SOS1: variants seen among roughly 807,000 people sequenced by gnomAD.
SOS1 encodes the protein SOS Ras/Rac guanine nucleotide exchange factor 1.
A neutral mutation model predicts 157.6 loss-of-function variants in SOS1; 25 were observed. The observed-to-expected ratio is 0.16, with a 90% CI of 0.12 to 0.22. SOS1 has a LOEUF of 0.22. SOS1 is among the 10% of genes least tolerant of loss of function. The probability of loss-of-function intolerance (pLI) is 1.00; values close to 1 mark genes in which losing one functional copy is unlikely to be tolerated. For synonymous variants in SOS1, 528 were observed against 534.0 expected, an observed-to-expected ratio of 0.99 and a Z score of 0.16; for missense variants, 1,237 against 1,599.1, an observed-to-expected ratio of 0.77 and a Z score of 3.86.
At chr2:39,110,393 A>G (rs1673378577) in intron 1 of SOS1, among the ~76,000 whole-genome samples, 1 of 151,690 alleles carries the variant, frequency 6.6e-6, no homozygotes. Context: ...GTTTGAATGC[A>G]CAGATGCAGA....
intron 6 of SOS1, 24 bp from the exon 7 acceptor site, chr2:39,035,524 C>T (rs780298422): frequency 2.0e-6 from 3 of 1,487,412 alleles, no homozygotes; most frequent in South Asian, 1.1e-5. Flanking sequence ...GAAGGTAAAA[C>T]ATAAATAATT....
chr2:39,068,859 G>T (rs1295627099), intron 1 of SOS1, among the ~76,000 whole-genome samples: 1 of 151,982 alleles, frequency 6.6e-6, no homozygotes, highest in East Asian at 1.9e-4. Context: ...TAAATAAATG[G>T]CAAGAAAAGA....
intron 6 of SOS1, among the ~76,000 whole-genome samples, chr2:39,046,112 A>G (rs948121276): frequency 6.6e-6 from 1 of 152,290 alleles, no homozygotes; most frequent in South Asian, 2.1e-4. Context: ...GGATTTTTTT[A>G]TATCATATCA....
intron 3 of SOS1, among the ~76,000 whole-genome samples, 183 bp downstream of exon 3, chr2:39,058,490 C>T (rs1041316422): frequency 2.6e-5 from 4 of 151,952 alleles, no homozygotes; most frequent in African/African-American, 9.7e-5. Context: ...AATCATGTTG[C>T]CCAGTTTATA....
intron 17 of SOS1, among the ~76,000 whole-genome samples, chr2:38,998,453 G>A (rs1368808242): frequency 6.6e-6 from 1 of 152,112 alleles, no homozygotes; most frequent in African/African-American, 2.4e-5. Flanking sequence ...GTTTCACCAT[G>A]TTGGCCAGGC....
chr2:39,053,932 T>A (rs1176033510), intron 5 of SOS1, among the ~76,000 whole-genome samples: 1 of 152,120 alleles, frequency 6.6e-6, no homozygotes, highest in Non-Finnish European at 1.5e-5. Flanking sequence ...GAACTCTTTT[T>A]TTTTTTTTCT....
intron 1 of SOS1, among the ~76,000 whole-genome samples, chr2:39,103,078 A>G (rs1673033446): frequency 6.6e-6 from 1 of 152,228 alleles, no homozygotes; most frequent in Admixed American, 6.5e-5. Flanking sequence ...AATAACATCT[A>G]AAAGAGTACC....
chr2:39,070,964 G>A (rs564489168), intron 1 of SOS1, among the ~76,000 whole-genome samples: 2 of 152,308 alleles, frequency 1.3e-5, no homozygotes, highest in African/African-American at 2.4e-5. Flanking sequence ...CTGGGTTCAA[G>A]CAATTCTCCT....
rs730881053 is a variant in SOS1 at position 39,067,642 on chromosome 2, C to T, written c.199G>A (p.Ala67Thr). 1.2e-6 allele frequency: 2 copies of T among 1,613,312 alleles called. No individual in the cohort carries two copies. The highest frequency in any genetic ancestry group is 2.7e-5 in the African/African-American group (2 of 74,894). ...NMLCQAQPRS[A>T]SDVEERVQKS... is the part of the protein sequence containing the mutation. ...ATTTGTCATACCTCTACATCTGAAG[C>T]ACTTCGGGGCTGAGCTTGGCATAGC... The change falls in exon 2 of 23, where the codon GCT becomes ACT. Residue 67 changes from alanine to threonine, a missense_variant. Ala to Thr is a moderately conservative substitution (Grantham distance 58). This residue lies in a region of SOS1 where 99 missense variants were observed against 81.6 expected (regional missense o/e 1.21). Transcript: ENST00000402219.
chr2:39,094,722 T>C (rs1029819967), intron 1 of SOS1, among the ~76,000 whole-genome samples: 2 of 152,166 alleles, frequency 1.3e-5, no homozygotes, highest in African/African-American at 4.8e-5. Flanking sequence ...ACTTGAGAAC[T>C]ACTATCTACC....
chr2:38,984,826 A>G lies in SOS1; in HGVS notation c.*998T>C, dbSNP rs565166400. 3.3e-5 allele frequency: 5 copies of G among 152,348 alleles called. No homozygotes were observed. The South Asian group carries it at 1.0e-3, about 32-fold the overall frequency. 9.4% of individuals were successfully genotyped at this position (152,348 alleles called of 1,614,324 possible). A position where few individuals can be genotyped will look rare whatever the true frequency, so the allele number is the denominator to read the frequency against. On this transcript the variant is annotated 3_prime_UTR_variant, in exon 23 of 23. Coordinates refer to ENST00000402219, the MANE Select transcript of SOS1 (RefSeq NM_005633.4). ...ATACATATGATTTAGGCAATGCAAG[A>G]TAATTCTAGATATGCTGATTACTCA...
chr2:39,098,733 C>T (rs551976300), intron 1 of SOS1, among the ~76,000 whole-genome samples: 4 of 151,988 alleles, frequency 2.6e-5, no homozygotes, highest in Admixed American at 2.0e-4. Context: ...ACTAAAAATA[C>T]AAAAAATTAC....
At chr2:39,087,241 G>C (rs1672413892) in intron 1 of SOS1, among the ~76,000 whole-genome samples, 1 of 152,228 alleles carries the variant, frequency 6.6e-6, no homozygotes, top group African/African-American at 2.4e-5. Flanking sequence ...ATATTAATTA[G>C]TATTTATTAA....
intron 6 of SOS1, among the ~76,000 whole-genome samples, chr2:39,038,903 A>G (rs1425308399): frequency 2.6e-5 from 4 of 152,028 alleles, no homozygotes; most frequent in African/African-American, 9.7e-5. Context: ...TACTGTGGGT[A>G]AAGTGCTATC....
At chr2:39,042,445 C>T (rs1222335514) in intron 6 of SOS1, among the ~76,000 whole-genome samples, 2 of 151,954 alleles carry the variant, frequency 1.3e-5, no homozygotes, top group East Asian at 3.8e-4. Context: ...ACTCTGTCAC[C>T]CGGGCTGGAG....
chr2:39,119,273 GC>G (rs1673774660), intron 1 of SOS1, among the ~76,000 whole-genome samples: 1 of 152,180 alleles, frequency 6.6e-6, no homozygotes, highest in Admixed American at 6.5e-5. Flanking sequence ...CGTAATTTAA[GC>G]CAGAAATATA....
chr2:39,010,269 T>A lies in SOS1; in HGVS notation c.2510+315A>T, dbSNP rs541354103. On this transcript the variant is annotated intron_variant, in intron 15 of 22. Coordinates refer to ENST00000402219, the MANE Select transcript of SOS1 (RefSeq NM_005633.4). ...AGGTGGAGGTTGCAGTGAGCTGAGA[T>A]CACACCACTGCACTCCAGCCTGGGC... Among the ~76,000 whole-genome samples the A allele has an allele frequency of 3.4e-5, 5 of 145,900 alleles. No homozygotes were observed. In the East Asian group the frequency reaches 1.0e-3, roughly 29 times the overall value.
Position 39,120,524 on chromosome 2 carries a change from ACCGGACGGCCCGG to A in SOS1, c.-115_-103del. 1.7e-6 allele frequency: 2 copies of A among 1,145,538 alleles called. No individual in the cohort carries two copies. The highest frequency in any genetic ancestry group is 2.1e-6 in the Non-Finnish European group (2 of 933,680). 71.0% of individuals were successfully genotyped at this position (1,145,538 alleles called of 1,614,324 possible). On this transcript the variant is annotated 5_prime_UTR_variant, in exon 1 of 23. Coordinates refer to ENST00000402219, the MANE Select transcript of SOS1 (RefSeq NM_005633.4). ...CAGCGCGGAACAGGGCCGCGGCCCC[ACCGGACGGCCCGG>A]CCCCCTCCGGGCGCCGCGCAGCCGG... is the stretch of plus-strand genomic sequence containing the variant.
intron 1 of SOS1, among the ~76,000 whole-genome samples, chr2:39,091,450 A>G (rs563939456): frequency 2.6e-5 from 4 of 152,284 alleles, no homozygotes; most frequent in Admixed American, 6.5e-5. Flanking sequence ...ATAGGTATAA[A>G]TAATCGTCTA....
Sources: gnomAD v4.1 joint callset for allele counts (sites outside exome capture counted in the v4.1 genomes callset) on GRCh38, gnomAD v4.1.1 for gene constraint, gnomAD v4.1.1 regional missense constraint, MANE v1.5 for transcripts, NCBI Gene and HGNC (gene_info 2026-07-23, HGNC 2026-07-21) for gene names.